Variants in SEMA6D observed in about 807,000 individuals in gnomAD.
SEMA6D encodes the protein semaphorin-6D.
In SEMA6D, 35 loss-of-function variants were observed where a neutral mutation model predicts 106.6. The ratio of observed to expected loss-of-function variants is 0.33; its 90% confidence interval spans 0.25 to 0.44. SEMA6D has a LOEUF of 0.44. Among genes scored for constraint, SEMA6D ranks in the 20% least tolerant of loss-of-function variants. SEMA6D has a pLI of 1.00. For missense variants in SEMA6D, 1,185 were observed against 1,345.9 expected, an observed-to-expected ratio of 0.88 and a Z score of 1.87; for synonymous variants, 499 against 487.7, an observed-to-expected ratio of 1.02 and a Z score of -0.31.
chr15:47,348,704 CACACACACACACACCA>C (rs775218117), intron 1 of SEMA6D, among the ~76,000 whole-genome samples: 3 of 102,020 alleles, frequency 2.9e-5, no homozygotes, highest in South Asian at 3.6e-4. Flanking sequence ...CACACACACA[CACACACACACACACCA>C]CACACACAGA....
chr15:47,353,296 T>C (rs1392156286), intron 1 of SEMA6D, among the ~76,000 whole-genome samples: 2 of 152,118 alleles, frequency 1.3e-5, no homozygotes, highest in African/African-American at 4.8e-5. Context: ...GACCACCCAC[T>C]CGTGCCCTCC....
rs1205144983 is a variant in SEMA6D, at chr15:47,246,387, A to G, written c.-239+61969A>G. ...GAGGGACACAAGTACAGCCTACGGT[A>G]CAGGGCTGAAGGAGGGAGGGATCAG... On this transcript the variant is annotated intron_variant, in intron 1 of 19. Transcript: ENST00000558014. Among the ~76,000 whole-genome samples, 3 of 152,292 alleles carry G rather than the reference A, an allele frequency of 2.0e-5. No homozygotes were observed. In the South Asian group the frequency reaches 6.2e-4, roughly 32 times the overall value.
At chr15:47,743,227 G>A (rs565496938) in intron 1 of SEMA6D, among the ~76,000 whole-genome samples, 12 of 152,288 alleles carry the variant, frequency 7.9e-5, no homozygotes, top group African/African-American at 2.6e-4. Flanking sequence ...ATTGCCTACC[G>A]GAAATACTGC....
chr15:47,293,648 C>G (rs1276345711), intron 1 of SEMA6D, among the ~76,000 whole-genome samples: 1 of 152,176 alleles, frequency 6.6e-6, no homozygotes, highest in Non-Finnish European at 1.5e-5. Context: ...ATGTTTTATT[C>G]ATGACTGATA....
chr15:47,695,690 A>C (rs1051181490), intron 4 of SEMA6D, among the ~76,000 whole-genome samples: 1 of 152,240 alleles, frequency 6.6e-6, no homozygotes, highest in African/African-American at 2.4e-5. Context: ...AATGTATTTT[A>C]GTCCCCAAAA....
At chr15:47,473,373 T>C (rs112978838) in intron 3 of SEMA6D, among the ~76,000 whole-genome samples, 2,368 of 152,164 alleles carry the variant, frequency 0.016, 45 homozygotes, top group African/African-American at 0.036. Context: ...TGAGAGAGGG[T>C]CTGTGGCTGG....
intron 3 of SEMA6D, among the ~76,000 whole-genome samples, chr15:47,543,091 A>G (rs1301996938): frequency 1.3e-5 from 2 of 152,174 alleles, no homozygotes; most frequent in Admixed American, 1.3e-4. Flanking sequence ...CTGGGATGTC[A>G]TCAGTTTTAT....
At chr15:47,301,830 G>T (rs534011124) in intron 1 of SEMA6D, among the ~76,000 whole-genome samples, 1 of 152,332 alleles carries the variant, frequency 6.6e-6, no homozygotes, top group South Asian at 2.1e-4. Flanking sequence ...GATTTAATTT[G>T]CATGGCGAGT....
intron 4 of SEMA6D, among the ~76,000 whole-genome samples, chr15:47,671,378 G>A (rs2078134115): frequency 6.6e-6 from 1 of 152,154 alleles, no homozygotes; most frequent in Admixed American, 6.5e-5. Context: ...TATATAAAAG[G>A]TGTAGGAAAG....
At chr15:47,207,578 C>T (rs1267435610) in intron 1 of SEMA6D, among the ~76,000 whole-genome samples, 3 of 152,160 alleles carry the variant, frequency 2.0e-5, no homozygotes, top group Admixed American at 6.5e-5. Flanking sequence ...GTGCTTTGTC[C>T]TTGTGCTCAA....
chr15:47,227,567 TCTCACACA>T (rs1176586734), intron 1 of SEMA6D, among the ~76,000 whole-genome samples: 2 of 87,268 alleles, frequency 2.3e-5, no homozygotes, highest in African/African-American at 3.2e-5. Context: ...TCTCTCTCTC[TCTCACACA>T]CACACACACA....
At chr15:47,552,855 T>G in intron 3 of SEMA6D, among the ~76,000 whole-genome samples, 1 of 88,670 alleles carries the variant, frequency 1.1e-5, no homozygotes, top group Non-Finnish European at 1.9e-5. Context: ...TATATATAAA[T>G]ATATATATAT....
chr15:47,666,990 C>T (rs535134920), intron 4 of SEMA6D, among the ~76,000 whole-genome samples: 4 of 152,120 alleles, frequency 2.6e-5, no homozygotes, highest in Non-Finnish European at 5.9e-5. Flanking sequence ...TGACTGGACT[C>T]AGCATTGGAG....
chr15:47,265,972 A>G (rs1483844393), intron 1 of SEMA6D, among the ~76,000 whole-genome samples: 1 of 152,094 alleles, frequency 6.6e-6, no homozygotes, highest in Non-Finnish European at 1.5e-5. Context: ...TTGAAGCTCC[A>G]CTACTTGCTG....
chr15:47,311,677 C>T lies in SEMA6D; in HGVS notation c.-238-100716C>T, dbSNP rs377038742. 4.6e-5 allele frequency among the ~76,000 whole-genome samples: 7 copies of T among 152,140 alleles called. 1 individual carries two copies. The highest frequency in any genetic ancestry group is 1.7e-4 in the African/African-American group (7 of 41,514). On this transcript the variant is annotated intron_variant, in intron 1 of 19. Coordinates refer to the SEMA6D transcript ENST00000558014. ...TTAACTTTGGGTCTCATTAAAATTA[C>T]AGAAGCAGGAATGAAAAAAAAATCT...
chr15:47,746,350 T>C (rs544343858), intron 1 of SEMA6D, among the ~76,000 whole-genome samples: 4 of 152,344 alleles, frequency 2.6e-5, no homozygotes, highest in African/African-American at 9.6e-5. Context: ...ACATAGATCA[T>C]TGAACTCTGT....
At chr15:47,677,158 A>C (rs1339384177) in intron 4 of SEMA6D, among the ~76,000 whole-genome samples, 1 of 152,088 alleles carries the variant, frequency 6.6e-6, no homozygotes, top group Non-Finnish European at 1.5e-5. Context: ...CTAACAGGCT[A>C]CAGACTGGTA....
chr15:47,366,359 C>T (rs1170209349), intron 1 of SEMA6D, among the ~76,000 whole-genome samples: 1 of 152,158 alleles, frequency 6.6e-6, no homozygotes, highest in Admixed American at 6.5e-5. Flanking sequence ...TGCAAAGCCA[C>T]GTGTGGCAGC....
intron 1 of SEMA6D, among the ~76,000 whole-genome samples, chr15:47,378,478 G>A (rs1381832220): frequency 6.6e-6 from 1 of 152,110 alleles, no homozygotes; most frequent in Admixed American, 6.6e-5. Flanking sequence ...CCTGGGTGAT[G>A]GAACCAGACC....
Sources: allele counts gnomAD v4.1 joint callset (sites outside exome capture counted in the v4.1 genomes callset), GRCh38; gene constraint gnomAD v4.1.1; transcripts MANE v1.5; gene names NCBI Gene and HGNC (gene_info 2026-07-23, HGNC 2026-07-21).